The following ADGRL3 variants were observed in gnomAD, a reference collection of about 807,000 sequenced individuals.
The protein encoded by ADGRL3 is adhesion G protein-coupled receptor L3, also known as calcium-independent alpha-latrotoxin receptor 3.
Under a neutral mutation model 153.5 loss-of-function variants are expected in ADGRL3, and 62 were observed. The ratio of observed to expected loss-of-function variants is 0.40; its 90% CI spans 0.33 to 0.50. The LOEUF (loss-of-function observed/expected upper bound fraction) is 0.50, where lower values mean the gene tolerates loss of function less well. ADGRL3 is among the 20% of genes least tolerant of loss of function. ADGRL3 has a pLI of 0.47. For missense variants in ADGRL3, 1,641 were observed against 1,859.4 expected, an observed-to-expected ratio of 0.88 and a Z score of 2.16; for synonymous variants, 710 against 672.5, an observed-to-expected ratio of 1.06 and a Z score of -0.86.
intron 9 of ADGRL3, among the ~76,000 whole-genome samples, chr4:61,888,862 G>C (rs2098554035): frequency 6.6e-6 from 1 of 152,100 alleles, no homozygotes; most frequent in Non-Finnish European, 1.5e-5. Context: ...TAATTGTTCT[G>C]AGATAGGATC....
chr4:62,003,616 G>A (rs1337994083), intron 21 of ADGRL3, among the ~76,000 whole-genome samples: 1 of 152,108 alleles, frequency 6.6e-6, no homozygotes, highest in African/African-American at 2.4e-5. Flanking sequence ...CGTAGAGGAT[G>A]GTTTGAATAT....
At position 61,473,058 on chromosome 4, in the gene ADGRL3, G is replaced by A. The variant is rs149426024; in HGVS notation, c.-173-24063G>A. On this transcript the variant is annotated intron_variant, in intron 2 of 26. Coordinates refer to ENST00000683033, the MANE Select transcript of ADGRL3 (RefSeq NM_001387552.1). ...TGGATTTGACAATAAGTCCACTGGG[G>A]AATTTTTTCAGAGAATTTTCAGTGA... Among the ~76,000 whole-genome samples, 287 of 152,214 alleles carry A rather than the reference G, an allele frequency of 1.9e-3. 1 individual carries two copies. Among genetic ancestry groups the A allele is most frequent in the African/African-American group, 6.6e-3 (275 of 41,560 alleles).
At chr4:61,549,675 A>T (rs1579470470) in intron 4 of ADGRL3, among the ~76,000 whole-genome samples, 1 of 152,060 alleles carries the variant, frequency 6.6e-6, no homozygotes, top group South Asian at 2.1e-4. Flanking sequence ...CCTCTAAAAT[A>T]TTGTTTACCG....
intron 21 of ADGRL3, among the ~76,000 whole-genome samples, chr4:62,012,754 A>G (rs1026650846): frequency 3.3e-5 from 5 of 152,182 alleles, no homozygotes; most frequent in African/African-American, 1.2e-4. Flanking sequence ...TTTAACACCT[A>G]TGATTATATT....
At chr4:61,694,199 T>C (rs1407907838) in intron 6 of ADGRL3, among the ~76,000 whole-genome samples, 1 of 53,484 alleles carries the variant, frequency 1.9e-5, no homozygotes, top group African/African-American at 9.6e-5. Flanking sequence ...TTTTTTTTTT[T>C]TTTTTTTTTT....
intron 4 of ADGRL3, among the ~76,000 whole-genome samples, chr4:61,583,848 A>G (rs1356692182): frequency 6.6e-6 from 1 of 152,072 alleles, no homozygotes; most frequent in Non-Finnish European, 1.5e-5. Flanking sequence ...AAAAGTGGTA[A>G]GGAGCATAAG....
chr4:61,903,454 C>T (rs930447818), intron 11 of ADGRL3, among the ~76,000 whole-genome samples: 1 of 151,922 alleles, frequency 6.6e-6, no homozygotes, highest in Admixed American at 6.6e-5. Flanking sequence ...TCTTTTATTT[C>T]CTCAGGAAAT....
rs201696370 is a variant in ADGRL3 at position 61,876,740 on chromosome 4, AT to A, written c.1481-15915del. On this transcript the variant is annotated intron_variant, in intron 9 of 26. Transcript: ENST00000683033. Reference sequence around the variant, plus strand: ...TAAAACTTAAAGTATAATAAAAAAAATAAAATAAAATAAAATAAAATGGGGA... The same window carrying A: ...TAAAACTTAAAGTATAATAAAAAAAAAAAATAAAATAAAATAAAATGGGGA... Among the ~76,000 whole-genome samples, 487 of 150,664 alleles carry A rather than the reference AT, an allele frequency of 3.2e-3. 14 individuals carry two copies. The East Asian group carries it at 0.076, about 23-fold the overall frequency.
chr4:61,499,838 A>G (rs1167178495), intron 3 of ADGRL3, among the ~76,000 whole-genome samples: 2 of 152,024 alleles, frequency 1.3e-5, no homozygotes, highest in African/African-American at 4.8e-5. Flanking sequence ...CAGACATTGT[A>G]AGAAAGATTC....
intron 1 of ADGRL3, among the ~76,000 whole-genome samples, chr4:61,360,529 A>G (rs1288066265): frequency 6.6e-6 from 1 of 152,202 alleles, no homozygotes; most frequent in Non-Finnish European, 1.5e-5. Context: ...GTTGGTAAAC[A>G]TGAGGATATG....
intron 6 of ADGRL3, among the ~76,000 whole-genome samples, chr4:61,678,824 A>C (rs1259253884): frequency 6.6e-6 from 1 of 152,102 alleles, no homozygotes. Flanking sequence ...TATCTGGAGT[A>C]TGTTTCAGTT....
chr4:61,452,156 A>G (rs935558913), intron 2 of ADGRL3, among the ~76,000 whole-genome samples: 1 of 152,138 alleles, frequency 6.6e-6, no homozygotes, highest in Non-Finnish European at 1.5e-5. Context: ...GCTCCAGGTT[A>G]TGCTTCTGCC....
In ADGRL3 at chr4:61,517,493, C is replaced by T. The variant is rs913702245; in HGVS notation, c.234C>T (p.Ala78=). The change falls in exon 4 of 27, where the codon GCC becomes GCT. Residue 78 remains alanine, a synonymous_variant. Coordinates refer to ENST00000683033, the MANE Select transcript of ADGRL3 (RefSeq NM_001387552.1). ...CCAGAGGAGTTCGCGGTCCAGGTGC[C>T]CAAGGAGCACAGATTGCAGCGCAAG... ...GATRGVRGPG[A]QGAQIAAQAF... 5.6e-6 allele frequency: 4 copies of T among 717,226 alleles called. No homozygotes were observed. Among genetic ancestry groups the T allele is most frequent in the Non-Finnish European group, 7.5e-6 (3 of 398,890 alleles). The allele number at this position is 717,226 out of a possible 1,614,324, so 44.4% of individuals were successfully genotyped here.
At chr4:61,460,131 T>G (rs2097793051) in intron 2 of ADGRL3, among the ~76,000 whole-genome samples, 1 of 152,164 alleles carries the variant, frequency 6.6e-6, no homozygotes, top group Non-Finnish European at 1.5e-5. Context: ...TTTTGAAGTC[T>G]TAGCCATAAA....
At chr4:61,404,735 CAA>C (rs2096972272) in intron 2 of ADGRL3, among the ~76,000 whole-genome samples, 1 of 151,880 alleles carries the variant, frequency 6.6e-6, no homozygotes, top group Non-Finnish European at 1.5e-5. Flanking sequence ...TTGTGCTTTG[CAA>C]AAAGTGTCTG....
At chr4:61,410,801 C>T (rs1288859486) in intron 2 of ADGRL3, among the ~76,000 whole-genome samples, 1 of 152,180 alleles carries the variant, frequency 6.6e-6, no homozygotes, top group Non-Finnish European at 1.5e-5. Flanking sequence ...GCCCCAAGCT[C>T]CCCCAAACTC....
At chr4:61,741,263 C>A (rs2151915696) in intron 8 of ADGRL3, among the ~76,000 whole-genome samples, 1 of 152,294 alleles carries the variant, frequency 6.6e-6, no homozygotes, top group Middle Eastern at 3.4e-3. Flanking sequence ...TTAAATCAAA[C>A]TTGTCCTCAG....
At chr4:61,898,746 AG>A (rs2149683186) in intron 11 of ADGRL3, among the ~76,000 whole-genome samples, 1 of 152,026 alleles carries the variant, frequency 6.6e-6, no homozygotes, top group African/African-American at 2.4e-5. Context: ...AGCTTCCTGA[AG>A]CTGGGACTAC....
At chr4:61,699,236 A>G (rs2095702291) in intron 6 of ADGRL3, among the ~76,000 whole-genome samples, 1 of 152,220 alleles carries the variant, frequency 6.6e-6, no homozygotes, top group African/African-American at 2.4e-5. Flanking sequence ...TATGACTTTA[A>G]CAAGCATTTT....
Sources: gnomAD v4.1 joint callset for allele counts (sites outside exome capture counted in the v4.1 genomes callset) on GRCh38, gnomAD v4.1.1 for gene constraint, MANE v1.5 for transcripts, NCBI Gene and HGNC (gene_info 2026-07-23, HGNC 2026-07-21) for gene names.